Variants in NRBP2 observed in about 807,000 individuals in gnomAD.
The protein encoded by NRBP2 is nuclear receptor binding protein 2, also known as nuclear receptor-binding protein 2.
In NRBP2, 47 loss-of-function variants were observed where a neutral mutation model predicts 74.4. The ratio of observed to expected loss-of-function variants is 0.63; its 90% confidence interval spans 0.50 to 0.81. The LOEUF is 0.81. Ranked by LOEUF, NRBP2 falls within the 30% of genes least tolerant of loss-of-function variation. The pLI is 0.00. For missense variants in NRBP2, 613 were observed against 690.1 expected, an observed-to-expected ratio of 0.89 and a Z score of 1.25; for synonymous variants, 312 against 273.8, an observed-to-expected ratio of 1.14 and a Z score of -1.38.
downstream of NRBP2, among the ~76,000 whole-genome samples, chr8:143,831,689 A>G (rs535836610): frequency 5.5e-4 from 84 of 152,378 alleles, no homozygotes; most frequent in Non-Finnish European, 9.1e-4. Flanking sequence ...AGGAAATGAG[A>G]GAAATCAGCA....
At chr8:143,833,509 A>G (rs1430125024), downstream of NRBP2, 1 of 152,182 alleles carries the variant, frequency 6.6e-6, no homozygotes, top group Non-Finnish European at 1.5e-5. Flanking sequence ...ACGAATAAAC[A>G]GGACTAAAAG....
In NRBP2 at chr8:143,837,172, T is replaced by C; in HGVS notation, c.1130A>G (p.Asn377Ser). 1.2e-6 allele frequency: 2 copies of C among 1,613,362 alleles called. No individual in the cohort carries two copies. The highest frequency in any genetic ancestry group is 2.2e-5 in the East Asian group (1 of 44,848). The stretch of plus-strand genomic sequence containing the variant: ...AAAGTTCATCAGTGGGTAGATTCCA[T>C]TCCTGGGGACACAACAGGGTGGCTG... Reference protein sequence around the residue: ...ELDKFLEDVRNGIYPLMNFAA... With the variant: ...ELDKFLEDVRSGIYPLMNFAA... The change falls in exon 14 of 18, where the codon AAT (asparagine) becomes AGT (serine). Residue 377 changes from asparagine (N) to serine (S), a missense_variant and splice_region_variant. Asn to Ser is a conservative substitution (Grantham distance 46, BLOSUM62 1). Coordinates refer to ENST00000442628, the MANE Select transcript of NRBP2 (RefSeq NM_178564.4). This position sits in a 1 kb window ranked among gnomAD's most constrained non-coding sequence, Gnocchi z 4.3.
At position 143,839,695 on chromosome 8, in the gene NRBP2, C is replaced by A; in HGVS notation, c.444+41G>T. The A allele has an allele frequency of 6.5e-7, 1 of 1,533,266 alleles. No homozygotes were observed. Among genetic ancestry groups the A allele is most frequent in the Non-Finnish European group, 8.7e-7 (1 of 1,145,952 alleles). 95.0% of individuals were successfully genotyped at this position (1,533,266 alleles called of 1,614,324 possible). A position where few individuals can be genotyped will look rare whatever the true frequency, so the allele number is the denominator to read the frequency against. ...TCCCAGTCCCCGAGGCTGCCCCAAC[C>A]CCGTCCTGTCCCCGTGGCTGCCCCA... is the stretch of plus-strand genomic sequence containing the variant. On this transcript the variant is annotated intron_variant, in intron 4 of 17. Coordinates refer to ENST00000442628, the MANE Select transcript of NRBP2 (RefSeq NM_178564.4). The surrounding 1 kb of genome is among the most constrained non-coding windows in gnomAD (Gnocchi z 5.1).
chr8:143,831,763 G>C (rs537136761), downstream of NRBP2, among the ~76,000 whole-genome samples: 1 of 152,336 alleles, frequency 6.6e-6, no homozygotes, highest in Admixed American at 6.5e-5. Flanking sequence ...GGGTGAAAGG[G>C]AAGTTGTATA....
rs782084231 is a variant in NRBP2, at chr8:143,835,526, C to T, written c.*136G>A. On this transcript the variant is annotated 3_prime_UTR_variant, in exon 18 of 18. Transcript: ENST00000442628. This position sits in a 1 kb window ranked among gnomAD's most constrained non-coding sequence, Gnocchi z 4.9. ...CAGGGTCAGCCCCACTCTCAGGAGACGGGGGGTTCCTTCACTACCGGGGCC... is the reference window on the plus strand; with the variant it reads ...CAGGGTCAGCCCCACTCTCAGGAGATGGGGGGTTCCTTCACTACCGGGGCC... 54 of 771,030 alleles carry T rather than the reference C, an allele frequency of 7.0e-5. No homozygotes were observed. The highest frequency in any genetic ancestry group is 1.0e-4 in the Admixed American group (4 of 40,016). 47.8% of individuals were successfully genotyped at this position (771,030 alleles called of 1,614,324 possible).
chr8:143,840,394 G>T lies in NRBP2; in HGVS notation c.130-165C>A. On this transcript the variant is annotated intron_variant, in intron 1 of 17. Transcript: ENST00000442628. This position sits in a 1 kb window ranked among gnomAD's most constrained non-coding sequence, Gnocchi z 5.7. Reference sequence around the variant, plus strand: ...GAGGGTAGCTGCCCCCAGGAGCCAAGGGCTCCTATCCAAGGGCTGGGCTAA... The same window carrying T: ...GAGGGTAGCTGCCCCCAGGAGCCAATGGCTCCTATCCAAGGGCTGGGCTAA... The T allele has an allele frequency of 1.5e-5, 14 of 937,324 alleles. No individual in the cohort carries two copies. Among genetic ancestry groups the T allele is most frequent in the African/African-American group, 3.3e-5 (2 of 60,130 alleles). 58.1% of individuals were successfully genotyped at this position (937,324 alleles called of 1,614,324 possible). A position where few individuals can be genotyped will look rare whatever the true frequency, so the allele number is the denominator to read the frequency against.
downstream of NRBP2, among the ~76,000 whole-genome samples, chr8:143,832,398 CG>C (rs1345550792): frequency 1.1e-4 from 17 of 152,048 alleles, no homozygotes; most frequent in Admixed American, 5.2e-4. Context: ...TCCCCCAGCC[CG>C]ACACCCGTAA....
downstream of NRBP2, among the ~76,000 whole-genome samples, chr8:143,830,024 G>A (rs958182103): frequency 6.6e-6 from 1 of 152,204 alleles, no homozygotes; most frequent in Non-Finnish European, 1.5e-5. Context: ...TCGGTCATCC[G>A]AAGAAGCCAC....
At position 143,840,752 on chromosome 8, in the gene NRBP2, A is replaced by G; in HGVS notation, c.83T>C (p.Ile28Thr). The change falls in exon 1 of 18, where the codon ATC becomes ACC. Residue 28 changes from isoleucine (I) to threonine (T), a missense_variant. Physicochemically the swap from Ile to Thr is moderately conservative, Grantham distance 89. Transcript: ENST00000442628. The surrounding 1 kb of genome is among the most constrained non-coding windows in gnomAD (Gnocchi z 5.7). ...GCGACCACACGGGCTTTCCTCCAGG[A>G]TGTCGCTCTCGTCCTCGCTCTCGTC... ...REDESEDESD[I>T]LEESPCGRWQ... 6.6e-7 allele frequency: 1 copy of G among 1,513,304 alleles called. No homozygotes were observed. The highest frequency in any genetic ancestry group is 8.8e-7 in the Non-Finnish European group (1 of 1,136,774). 93.7% of individuals were successfully genotyped at this position (1,513,304 alleles called of 1,614,324 possible).
Position 143,835,594 on chromosome 8 carries a change from T to G in NRBP2, c.*68A>C. 7.4e-7 allele frequency: 1 copy of G among 1,344,164 alleles called. No individual in the cohort carries two copies. Among genetic ancestry groups the G allele is most frequent in the African/African-American group, 1.5e-5 (1 of 68,082 alleles). 83.3% of individuals were successfully genotyped at this position (1,344,164 alleles called of 1,614,324 possible). The stretch of plus-strand genomic sequence containing the variant: ...ATGGAGGAGGGCAGCCCCACGGTGC[T>G]GGAGTCTCCCCAACATGGCCTGCCC... On this transcript the variant is annotated 3_prime_UTR_variant, in exon 18 of 18. Transcript: ENST00000442628. This position sits in a 1 kb window ranked among gnomAD's most constrained non-coding sequence, Gnocchi z 4.9.
chr8:143,830,084 G>A (rs1458511060), downstream of NRBP2, among the ~76,000 whole-genome samples: 6 of 152,218 alleles, frequency 3.9e-5, no homozygotes, highest in Non-Finnish European at 8.8e-5. Context: ...AGGCATCCCG[G>A]GCAGGCCTCC....
chr8:143,840,878 C>A lies in NRBP2; in HGVS notation c.-44G>T. 7.8e-7 allele frequency: 1 copy of A among 1,281,264 alleles called. No homozygotes were observed. The highest frequency in any genetic ancestry group is 2.6e-5 in the South Asian group (1 of 38,506). 79.4% of individuals were successfully genotyped at this position (1,281,264 alleles called of 1,614,324 possible). ...CACCGCCCTCTGCGCGATCCGCCGC[C>A]GGCGCAGCCTCTCCCGGCCCGCCCT... is the stretch of plus-strand genomic sequence containing the variant. On this transcript the variant is annotated 5_prime_UTR_variant, in exon 1 of 18. Transcript: ENST00000442628. The surrounding 1 kb of genome is among the most constrained non-coding windows in gnomAD (Gnocchi z 5.7).
rs540839087 is a variant in NRBP2 at position 143,835,679 on chromosome 8, G to A, written c.1489C>T (p.Arg497Cys). ...AFLESTFLKYRGTQA is the reference protein window; with the variant it reads ...AFLESTFLKYCGTQA ...GCTCCGGGTCAGGCCTGGGTCCCAC[G>A]GTACTTGAGGAAGGTGCTCTCCAGG... is the stretch of plus-strand genomic sequence containing the variant. Residue 497 changes from arginine to cysteine, a missense_variant, in exon 18 of 18, where the codon CGT (arginine) becomes TGT (cysteine). Physicochemically the swap from Arg to Cys is radical, Grantham distance 180 (BLOSUM62 -3). Transcript: ENST00000442628. This position sits in a 1 kb window ranked among gnomAD's most constrained non-coding sequence, Gnocchi z 4.9. 5.3e-5 allele frequency: 85 copies of A among 1,596,456 alleles called. No individual in the cohort carries two copies. The highest frequency in any genetic ancestry group is 1.1e-4 in the East Asian group (5 of 44,606).
chr8:143,831,165 T>G (rs1554650184), downstream of NRBP2, among the ~76,000 whole-genome samples: 1 of 152,340 alleles, frequency 6.6e-6, no homozygotes, highest in Non-Finnish European at 1.5e-5. Context: ...AGGACTGTTC[T>G]TACACACATT....
rs367602774 is a variant in NRBP2, at chr8:143,839,251, T to G, written c.581-56A>C. 1,217 of 1,535,222 alleles carry G rather than the reference T, an allele frequency of 7.9e-4. 5 individuals are homozygous for G. The East Asian group carries it at 0.016, about 20-fold the overall frequency. On this transcript the variant is annotated intron_variant, in intron 6 of 17. Transcript: ENST00000442628. This position sits in a 1 kb window ranked among gnomAD's most constrained non-coding sequence, Gnocchi z 5.1. The stretch of plus-strand genomic sequence containing the variant: ...AGCTGCTGGGGCATCAGAACTCCTC[T>G]GCCCTTGGCTCCAGGCACCTTCCCC...
In NRBP2 at chr8:143,835,221, C is replaced by CGT; in HGVS notation, c.*440_*441insAC. The CGT allele has an allele frequency of 4.9e-6, 1 of 205,574 alleles. No individual in the cohort carries two copies. Among genetic ancestry groups the CGT allele is most frequent in the Non-Finnish European group, 9.9e-6 (1 of 100,672 alleles). The allele number at this position is 205,574 out of a possible 1,614,324, so 12.7% of individuals were successfully genotyped here. On this transcript the variant is annotated 3_prime_UTR_variant, in exon 18 of 18. Coordinates refer to ENST00000442628, the MANE Select transcript of NRBP2 (RefSeq NM_178564.4). This position sits in a 1 kb window ranked among gnomAD's most constrained non-coding sequence, Gnocchi z 4.9. ...GGCTCCTTGTGTGGGTCTATGGTGCCAGCAGGGGATGGCTGCTCTCCCAGA... is the reference window on the plus strand; with the variant it reads ...GGCTCCTTGTGTGGGTCTATGGTGCCGTAGCAGGGGATGGCTGCTCTCCCAGA...
chr8:143,835,378 G>T lies in NRBP2; in HGVS notation c.*284C>A. On this transcript the variant is annotated 3_prime_UTR_variant, in exon 18 of 18. Coordinates refer to ENST00000442628, the MANE Select transcript of NRBP2 (RefSeq NM_178564.4). This position sits in a 1 kb window ranked among gnomAD's most constrained non-coding sequence, Gnocchi z 4.9. ...CAGTGGCCCCGGCCAGGCAGCCTGG[G>T]TAGGAACTCAGGGCGGAGAATGGAG... 1 of 543,912 alleles carries T rather than the reference G, an allele frequency of 1.8e-6. No individual in the cohort carries two copies. Among genetic ancestry groups the T allele is most frequent in the Non-Finnish European group, 3.3e-6 (1 of 304,874 alleles). 33.7% of individuals were successfully genotyped at this position (543,912 alleles called of 1,614,324 possible). A position where few individuals can be genotyped will look rare whatever the true frequency, so the allele number is the denominator to read the frequency against.
rs1327131980 is a variant in NRBP2 at position 143,837,119 on chromosome 8, G to A, written c.1183C>T (p.Arg395Cys). ...TCCTCCGGGGGTGGGGCCAGCACAC[G>A]GGGCAGCCCCAGGGGTCGAGTGGCT... is the stretch of plus-strand genomic sequence containing the variant. ...FAATRPLGLP[R>C]VLAPPPEEVQ... is the part of the protein sequence containing the mutation. Residue 395 changes from arginine to cysteine, a missense_variant, in exon 14 of 18, where the codon CGT (arginine) becomes TGT (cysteine). Around this residue, in one of 2 missense-constraint regions of NRBP2, gnomAD observed 281 missense variants for 260.9 expected, o/e 1.08. Transcript: ENST00000442628. The surrounding 1 kb of genome is among the most constrained non-coding windows in gnomAD (Gnocchi z 4.3). 18 of 1,612,334 alleles carry A rather than the reference G, an allele frequency of 1.1e-5. No individual in the cohort carries two copies. The highest frequency in any genetic ancestry group is 1.1e-4 in the African/African-American group (8 of 74,830).
chr8:143,838,949 G>A lies in NRBP2; in HGVS notation c.689-11C>T, dbSNP rs782755919. On this transcript the variant is annotated splice_polypyrimidine_tract_variant and intron_variant, in intron 8 of 17. Transcript: ENST00000442628. Reference sequence around the variant, plus strand: ...TCCCATCGGCCACCTCTGAACAGAAGAGAGCACAGGACACGTAGGAGAGAA... The same window carrying A: ...TCCCATCGGCCACCTCTGAACAGAAAAGAGCACAGGACACGTAGGAGAGAA... The A allele has an allele frequency of 2.4e-5, 39 of 1,598,894 alleles. No homozygotes were observed. Among genetic ancestry groups the A allele is most frequent in the Admixed American group, 3.4e-5 (2 of 58,106 alleles).
Sources: gnomAD v4.1 joint callset for allele counts (sites outside exome capture counted in the v4.1 genomes callset) on GRCh38, gnomAD v4.1.1 for gene constraint, gnomAD v4.1.1 regional missense constraint, Gnocchi (gnomAD v3.1) non-coding constraint, MANE v1.5 for transcripts, NCBI Gene and HGNC (gene_info 2026-07-23, HGNC 2026-07-21) for gene names.